VPS53: variants seen among roughly 807,000 people sequenced by gnomAD.
VPS53 encodes VPS53 subunit of GARP complex, also known as vacuolar protein sorting-associated protein 53 homolog.
In VPS53, 70 loss-of-function variants were observed where a neutral mutation model predicts 107.0. The ratio of observed to expected loss-of-function variants is 0.65; its 90% CI spans 0.54 to 0.80. VPS53 has a LOEUF of 0.80. Ranked by LOEUF, VPS53 falls within the 30% of genes least tolerant of loss-of-function variation. The probability of loss-of-function intolerance (pLI) is 0.00; values close to 1 mark genes in which losing one functional copy is unlikely to be tolerated. For missense variants in VPS53, 917 were observed against 1,049.4 expected, an observed-to-expected ratio of 0.87 and a Z score of 1.74; for synonymous variants, 409 against 393.3, an observed-to-expected ratio of 1.04 and a Z score of -0.47.
In VPS53 at chr17:537,111, G is replaced by A. The variant is rs764750367; in HGVS notation, c.1932C>T (p.His644=). The change falls in exon 18 of 22, where the codon CAC becomes CAT. Residue 644 remains histidine (H), a synonymous_variant. Coordinates refer to ENST00000437048, the MANE Select transcript of VPS53 (RefSeq NM_001128159.3). ...QSPYVTSVIL[H]IKQNVPIIRD... ...GGATGATGGGGACGTTCTGCTTGAT[G>A]TGCAGAATGACAGAGGTGACGTAGG... 6 of 1,614,068 alleles carry A rather than the reference G, an allele frequency of 3.7e-6. No individual in the cohort carries two copies. The highest frequency in any genetic ancestry group is 3.3e-4 in the Middle Eastern group (2 of 6,084).
chr17:565,071 G>C (rs770794408), intron 13 of VPS53, among the ~76,000 whole-genome samples: 2 of 152,204 alleles, frequency 1.3e-5, no homozygotes, highest in Non-Finnish European at 2.9e-5. Context: ...AGGAATAGGA[G>C]AAAATTGACA....
At chr17:540,002 C>A (rs1244516089) in intron 17 of VPS53, among the ~76,000 whole-genome samples, 1 of 151,996 alleles carries the variant, frequency 6.6e-6, no homozygotes, top group Non-Finnish European at 1.5e-5. Flanking sequence ...CTATCTAAAG[C>A]CCAACCAGGT....
intron 4 of VPS53, among the ~76,000 whole-genome samples, chr17:678,497 C>T (rs1019936566): frequency 1.3e-5 from 2 of 151,740 alleles, no homozygotes; most frequent in Admixed American, 6.6e-5. Context: ...TACAGAGTCT[C>T]GCTCTGTCGC....
At chr17:653,180 C>T in intron 7 of VPS53, 111 bp downstream of exon 7, 1 of 1,559,174 alleles carries the variant, frequency 6.4e-7, no homozygotes, top group East Asian at 2.3e-5. Flanking sequence ...TTTTGGAAAG[C>T]TGCCGGATCT....
chr17:534,070 C>A (rs1909820639), intron 18 of VPS53, among the ~76,000 whole-genome samples: 1 of 152,156 alleles, frequency 6.6e-6, no homozygotes, highest in South Asian at 2.1e-4. Context: ...GAACTCCTGG[C>A]CTCAAGTGAT....
chr17:566,379 C>T (rs182481959), intron 13 of VPS53, among the ~76,000 whole-genome samples: 7 of 152,224 alleles, frequency 4.6e-5, no homozygotes, highest in Admixed American at 1.3e-4. Flanking sequence ...GTACAAAAGG[C>T]GAAGGAGGTA....
In VPS53 at chr17:519,233, G is replaced by A; in HGVS notation, c.2394C>T (p.Pro798=). ...GTGAGCCGGAGCTTTCTGCCCCCGA[G>A]GGCGGTGCGGGGAGCCGCTGGCGCA... is the stretch of plus-strand genomic sequence containing the variant. The part of the protein sequence containing the change: ...ELLRQRLPAP[P]SGAESSGSLS... Residue 798 remains proline, a synonymous_variant, in exon 22 of 22, where the codon CCC becomes CCT. Transcript: ENST00000437048. This position sits in a 1 kb window ranked among gnomAD's most constrained non-coding sequence, Gnocchi z 5.0. 2 of 1,547,694 alleles carry A rather than the reference G, an allele frequency of 1.3e-6. No homozygotes were observed. The highest frequency in any genetic ancestry group is 1.7e-6 in the Non-Finnish European group (2 of 1,145,578).
At chr17:625,896 A>G (rs2543771) in intron 10 of VPS53, among the ~76,000 whole-genome samples, 150,763 of 152,224 alleles carry the variant, frequency 0.99, 74,682 homozygotes, top group South Asian at 1. Flanking sequence ...TTTTTCACCC[A>G]GCATTAGATC....
At chr17:582,136 CAGG>C (rs1008411629) in intron 13 of VPS53, among the ~76,000 whole-genome samples, 1 of 151,416 alleles carries the variant, frequency 6.6e-6, no homozygotes, top group Non-Finnish European at 1.5e-5. Context: ...TAATGAGTTC[CAGG>C]AGAACTTCCC....
chr17:668,577 C>T (rs1449647266), intron 4 of VPS53, among the ~76,000 whole-genome samples: 2 of 152,160 alleles, frequency 1.3e-5, no homozygotes, highest in Admixed American at 1.3e-4. Flanking sequence ...AAAAGTGCAA[C>T]AGAGGCCTCT....
At position 586,315 on chromosome 17, in the gene VPS53, T is replaced by G. The variant is rs763070674; in HGVS notation, c.1268A>C (p.Lys423Thr). 1.4e-4 allele frequency: 230 copies of G among 1,613,978 alleles called. No homozygotes were observed. Among genetic ancestry groups the G allele is most frequent in the Non-Finnish European group, 1.9e-4 (220 of 1,179,972 alleles). ...CACGTAGAGATGAGGCTCAAAACAC[T>G]TGGAAACAATGCCATGAAATGGATT... ...PDNPFHGIVS[K>T]CFEPHLYVYI... The change falls in exon 13 of 22, where the codon AAG becomes ACG. Residue 423 changes from lysine to threonine, a missense_variant. Coordinates refer to ENST00000437048, the MANE Select transcript of VPS53 (RefSeq NM_001128159.3).
intron 15 of VPS53, 82 bp from the exon 16 acceptor site, chr17:553,544 C>T (rs1016194151): frequency 8.3e-6 from 8 of 959,470 alleles, no homozygotes; most frequent in East Asian, 2.6e-5. Context: ...ACATTTACTG[C>T]GTTTGATGAT....
rs117654150 is a variant in VPS53, at chr17:618,445, C to T, written c.1116+5088G>A. Among the ~76,000 whole-genome samples the T allele has an allele frequency of 1.8e-3, 261 of 144,724 alleles. 3 individuals carry two copies. The East Asian group carries it at 0.05, about 28-fold the overall frequency. The allele number at this position is 144,724 out of a possible 152,430, so 94.9% of individuals were successfully genotyped here. ...TTTCCCGGGTAGCTGGGACGACAGG[C>T]GTGCGCCACTACGCCCCACTAATAT... On this transcript the variant is annotated intron_variant, in intron 11 of 21. Coordinates refer to ENST00000437048, the MANE Select transcript of VPS53 (RefSeq NM_001128159.3).
intron 13 of VPS53, among the ~76,000 whole-genome samples, chr17:570,228 G>A (rs1913909859): frequency 6.6e-6 from 1 of 151,788 alleles, no homozygotes; most frequent in South Asian, 2.1e-4. Flanking sequence ...AAATTAGCTG[G>A]GTGCAGTGGC....
chr17:552,925 G>A (rs984811821), intron 16 of VPS53: 11 of 377,276 alleles, frequency 2.9e-5, no homozygotes, highest in South Asian at 2.5e-4. Context: ...AGGTATATAC[G>A]TGCCGCACGC....
chr17:530,109 T>C (rs557382112), intron 19 of VPS53, among the ~76,000 whole-genome samples: 2 of 151,856 alleles, frequency 1.3e-5, no homozygotes, highest in Non-Finnish European at 2.9e-5. Context: ...TAAAACACTT[T>C]CCTTATAGCC....
chr17:604,872 A>G (rs538720432), intron 11 of VPS53, among the ~76,000 whole-genome samples: 1 of 152,304 alleles, frequency 6.6e-6, no homozygotes, highest in Non-Finnish European at 1.5e-5. Context: ...TCCACTCAAC[A>G]AAGGGATATG....
intron 7 of VPS53, among the ~76,000 whole-genome samples, chr17:651,513 C>A (rs146828291): frequency 1.3e-5 from 2 of 152,034 alleles, no homozygotes; most frequent in African/African-American, 4.8e-5. Flanking sequence ...ATCACTTGAG[C>A]CCAGGAGTTC....
rs1365244993 is a variant in VPS53, at chr17:595,574, G to C, written c.1218+6221C>G. The stretch of plus-strand genomic sequence containing the variant: ...AAGCTGGGAGATGGGAAGGGGTCTG[G>C]ATCAATTTCCTGGTTTGATGATGCA... On this transcript the variant is annotated intron_variant, in intron 12 of 21. Transcript: ENST00000437048. Among the ~76,000 whole-genome samples the C allele has an allele frequency of 1.6e-4, 4 of 25,186 alleles. 1 individual carries two copies. The highest frequency in any genetic ancestry group is 3.6e-4 in the Non-Finnish European group (4 of 11,134). The allele number at this position is 25,186 out of a possible 152,430, so 16.5% of individuals were successfully genotyped here.
Sources: allele counts gnomAD v4.1 joint callset (sites outside exome capture counted in the v4.1 genomes callset), GRCh38; gene constraint gnomAD v4.1.1; non-coding constraint Gnocchi (gnomAD v3.1); transcripts MANE v1.5; gene names NCBI Gene and HGNC (gene_info 2026-07-23, HGNC 2026-07-21).